The following ERBB4 variants were observed in gnomAD, a reference collection of about 807,000 sequenced individuals.
The protein encoded by ERBB4 is receptor tyrosine-protein kinase erbB-4.
ERBB4 carries 42 observed loss-of-function variants against 158.0 expected under a neutral mutation model. The observed-to-expected ratio is 0.27, with a 90% CI of 0.21 to 0.34. ERBB4 has a LOEUF of 0.34. Ranked by LOEUF, ERBB4 falls within the 10% of genes least tolerant of loss-of-function variation. The pLI is 1.00. For synonymous variants in ERBB4, 583 were observed against 558.7 expected, an observed-to-expected ratio of 1.04 and a Z score of -0.61; for missense variants, 1,333 against 1,624.1, an observed-to-expected ratio of 0.82 and a Z score of 3.08.
intron 11 of ERBB4, among the ~76,000 whole-genome samples, chr2:211,703,280 G>T (rs370237469): frequency 1.3e-5 from 2 of 152,232 alleles, no homozygotes; most frequent in Admixed American, 6.5e-5. Flanking sequence ...GATAGTAAAA[G>T]TTGTTTATAT....
In ERBB4 at chr2:211,899,745, G is replaced by C. The variant is rs536757202; in HGVS notation, c.421+47685C>G. On this transcript the variant is annotated intron_variant, in intron 3 of 27. Transcript: ENST00000342788. ...GAAAAAGTAATGGTTCTGGTAACCT[G>C]AGCTTGCCACTAATCATCACTTATT... Among the ~76,000 whole-genome samples, 5 of 152,202 alleles carry C rather than the reference G, an allele frequency of 3.3e-5. No individual in the cohort carries two copies. In the South Asian group the frequency reaches 1.0e-3, roughly 32 times the overall value.
At chr2:211,538,962 A>G (rs1323051102) in intron 20 of ERBB4, among the ~76,000 whole-genome samples, 1 of 151,904 alleles carries the variant, frequency 6.6e-6, no homozygotes, top group Non-Finnish European at 1.5e-5. Flanking sequence ...GATTATGTGC[A>G]CTGACTAAAT....
intron 3 of ERBB4, among the ~76,000 whole-genome samples, chr2:211,899,416 G>T (rs6754240): frequency 6.6e-6 from 1 of 151,780 alleles, no homozygotes; most frequent in Admixed American, 6.6e-5. Context: ...TCATCTACCA[G>T]TAACATTTTA....
At chr2:212,361,923 T>C (rs1440537138) in intron 1 of ERBB4, among the ~76,000 whole-genome samples, 4 of 151,758 alleles carry the variant, frequency 2.6e-5, no homozygotes, top group South Asian at 2.1e-4. Context: ...GACATTTTAA[T>C]AGACAATATA....
At chr2:212,335,136 C>T (rs1560047467) in intron 1 of ERBB4, among the ~76,000 whole-genome samples, 1 of 151,760 alleles carries the variant, frequency 6.6e-6, no homozygotes, top group Non-Finnish European at 1.5e-5. Context: ...GCCTCTGTAA[C>T]CTTTTTAATG....
At chr2:211,411,772 C>A (rs2063267841) in intron 25 of ERBB4, among the ~76,000 whole-genome samples, 1 of 152,088 alleles carries the variant, frequency 6.6e-6, no homozygotes, top group Non-Finnish European at 1.5e-5. Flanking sequence ...GAGAGACCTA[C>A]TAAAACATGC....
intron 1 of ERBB4, among the ~76,000 whole-genome samples, chr2:212,486,549 C>T (rs953434000): frequency 1.3e-5 from 2 of 152,036 alleles, no homozygotes; most frequent in African/African-American, 4.8e-5. Context: ...GCTCCCATTG[C>T]CTCTAGGTAG....
chr2:211,476,478 G>A (rs2064957176), intron 20 of ERBB4, among the ~76,000 whole-genome samples: 1 of 151,594 alleles, frequency 6.6e-6, no homozygotes, highest in Non-Finnish European at 1.5e-5. Flanking sequence ...AGAATTGACA[G>A]AAAGTTACTT....
chr2:212,429,134 GATT>G (rs1326347496), intron 1 of ERBB4: 1 of 152,330 alleles, frequency 6.6e-6, no homozygotes, highest in Non-Finnish European at 1.5e-5. Flanking sequence ...GGAAGAGAGA[GATT>G]ATAGAACAAA....
intron 3 of ERBB4, among the ~76,000 whole-genome samples, chr2:211,895,955 T>C (rs1292502561): frequency 6.6e-6 from 1 of 152,192 alleles, no homozygotes; most frequent in East Asian, 1.9e-4. Context: ...TTTCTTGGTC[T>C]CCTTGTTCCC....
intron 4 of ERBB4, among the ~76,000 whole-genome samples, chr2:211,785,447 CT>C (rs2076138143): frequency 1.3e-5 from 2 of 152,114 alleles, no homozygotes; most frequent in Non-Finnish European, 2.9e-5. Context: ...TCTATTTTAG[CT>C]TTTGCTGTTG....
intron 3 of ERBB4, among the ~76,000 whole-genome samples, chr2:211,861,857 G>A (rs2078064171): frequency 6.6e-6 from 1 of 150,602 alleles, no homozygotes; most frequent in African/African-American, 2.4e-5. Context: ...TTGGAATGCT[G>A]ACCAATGGGG....
At chr2:211,707,926 G>C (rs1021533540) in intron 9 of ERBB4, among the ~76,000 whole-genome samples, 26 of 152,094 alleles carry the variant, frequency 1.7e-4, no homozygotes, top group African/African-American at 6.3e-4. Context: ...CATTTTATCA[G>C]TTAAAAACAT....
chr2:211,701,915 A>G, intron 12 of ERBB4, 52 bp downstream of exon 12: 2 of 1,361,182 alleles, frequency 1.5e-6, no homozygotes, highest in Non-Finnish European at 1.1e-6. Flanking sequence ...CCAAAGAAGA[A>G]TGGGAAAAAA....
intron 2 of ERBB4, among the ~76,000 whole-genome samples, chr2:212,010,557 TG>T (rs1392824707): frequency 1.3e-5 from 2 of 152,104 alleles, no homozygotes; most frequent in African/African-American, 2.4e-5. Context: ...GCAGAATTAC[TG>T]ATACGGGTCC....
chr2:212,217,832 G>T (rs534478243), intron 1 of ERBB4, among the ~76,000 whole-genome samples: 1 of 151,168 alleles, frequency 6.6e-6, no homozygotes, highest in Admixed American at 6.6e-5. Context: ...AAGGATTTTT[G>T]TGATGACCGA....
At chr2:212,212,955 C>A (rs1272165663) in intron 1 of ERBB4, among the ~76,000 whole-genome samples, 2 of 152,134 alleles carry the variant, frequency 1.3e-5, no homozygotes, top group South Asian at 2.1e-4. Context: ...AAGCCAAAAT[C>A]TATAAAAATC....
intron 20 of ERBB4, among the ~76,000 whole-genome samples, chr2:211,552,730 C>G (rs2067133723): frequency 6.6e-6 from 1 of 152,138 alleles, no homozygotes; most frequent in Non-Finnish European, 1.5e-5. Flanking sequence ...AAATACAGCA[C>G]CAGTGATATA....
intron 3 of ERBB4, among the ~76,000 whole-genome samples, chr2:211,927,501 G>A (rs929507916): frequency 6.6e-6 from 1 of 151,932 alleles, no homozygotes; most frequent in East Asian, 1.9e-4. Flanking sequence ...TTCTAGCCTT[G>A]GAAACAATGA....
Sources: allele counts gnomAD v4.1 joint callset (sites outside exome capture counted in the v4.1 genomes callset), GRCh38; gene constraint gnomAD v4.1.1; transcripts MANE v1.5; gene names NCBI Gene and HGNC (gene_info 2026-07-23, HGNC 2026-07-21).